GRIN2A: variants seen among roughly 807,000 people sequenced by gnomAD.
GRIN2A encodes the protein glutamate receptor ionotropic, NMDA 2A.
GRIN2A carries 22 observed loss-of-function variants against 113.4 expected under a neutral mutation model. The ratio of observed to expected loss-of-function variants is 0.19; its 90% CI spans 0.14 to 0.28. GRIN2A has a LOEUF of 0.28. Among genes scored for constraint, GRIN2A ranks in the 10% least tolerant of loss-of-function variants. The pLI, the probability that GRIN2A is intolerant of heterozygous loss-of-function variation, is 1.00. For missense variants in GRIN2A, 1,502 were observed against 1,887.0 expected (o/e 0.80, Z 3.78); for synonymous variants, 827 against 738.4 (o/e 1.12, Z -1.94).
At chr16:9,885,566 C>CGT (rs1360969177) in intron 4 of GRIN2A, among the ~76,000 whole-genome samples, 2 of 152,224 alleles carry the variant, frequency 1.3e-5, no homozygotes, top group Non-Finnish European at 2.9e-5. Flanking sequence ...AAGGGCTTGT[C>CGT]GTGTTTTCCC....
In GRIN2A at chr16:9,764,809, G is replaced by C. The variant is rs200588845; in HGVS notation, c.2735C>G (p.Ser912Cys). The C allele has an allele frequency of 5.1e-5, 83 of 1,614,198 alleles. No individual in the cohort carries two copies. Among genetic ancestry groups the C allele is most frequent in the Admixed American group, 8.3e-5 (5 of 60,034 alleles). ...TCTTTTGGGTGAGTCCATTCTTGAG[G>C]AGTTCATGTTGGACATGCTGGAAAT... ...KNISSMSNMN[S>C]SRMDSPKRAA... is the part of the protein sequence containing the mutation. The change falls in exon 13 of 13, where the codon TCC becomes TGC. Residue 912 changes from serine to cysteine, a missense_variant. Coordinates refer to ENST00000330684, the MANE Select transcript of GRIN2A (RefSeq NM_001134407.3).
chr16:10,028,371 A>C (rs1036176306), intron 2 of GRIN2A, among the ~76,000 whole-genome samples: 1 of 152,194 alleles, frequency 6.6e-6, no homozygotes. Flanking sequence ...TCCCATTTAC[A>C]CAGTGTGGCA....
chr16:9,969,700 C>A (rs1307752937), intron 2 of GRIN2A, among the ~76,000 whole-genome samples: 1 of 152,192 alleles, frequency 6.6e-6, no homozygotes, highest in Admixed American at 6.5e-5. Context: ...GGATATTTCG[C>A]TATGCCTGGA....
intron 11 of GRIN2A, 95 bp from the exon 12 acceptor site, chr16:9,769,184 A>T: frequency 1.1e-6 from 1 of 948,448 alleles, no homozygotes; most frequent in African/African-American, 1.6e-5. Flanking sequence ...TGCAACTCAC[A>T]GCTATGTAAC....
chr16:10,143,258 C>T (rs1018388882), intron 2 of GRIN2A, among the ~76,000 whole-genome samples: 5 of 152,256 alleles, frequency 3.3e-5, no homozygotes, highest in East Asian at 3.9e-4. Flanking sequence ...CAACGCCTTC[C>T]GCTAAGGGCC....
intron 2 of GRIN2A, among the ~76,000 whole-genome samples, chr16:9,980,877 C>T (rs1341280065): frequency 2.6e-5 from 4 of 151,406 alleles, no homozygotes; most frequent in Admixed American, 6.6e-5. Flanking sequence ...TTAGGAGATA[C>T]ACCTAATGCT....
At chr16:10,158,988 A>G (rs8045990) in intron 2 of GRIN2A, among the ~76,000 whole-genome samples, 60,438 of 152,078 alleles carry the variant, frequency 0.4, 12,461 homozygotes, top group Non-Finnish European at 0.42. Context: ...CCATGGAAGG[A>G]AACAAAACTT....
chr16:10,028,702 G>A (rs929877576), intron 2 of GRIN2A, among the ~76,000 whole-genome samples: 3 of 152,176 alleles, frequency 2.0e-5, no homozygotes, highest in Non-Finnish European at 4.4e-5. Flanking sequence ...TTAAGCCAGA[G>A]GTCAGCAAAC....
rs749997301 is a variant in GRIN2A, at chr16:9,764,539, G to A, written c.3005C>T (p.Thr1002Ile). Residue 1002 changes from threonine (T) to isoleucine (I), a missense_variant, in exon 13 of 13, where the codon ACA (threonine) becomes ATA (isoleucine). Around this residue, in one of 7 missense-constraint regions of GRIN2A, gnomAD observed 832 missense variants for 789.7 expected, o/e 1.05. Coordinates refer to ENST00000330684, the MANE Select transcript of GRIN2A (RefSeq NM_001134407.3). ...GGGTCTAGAGTTCGCTTTGGATTCT[G>A]TGCTCACGGCCACCTCCACCGTGTT... The part of the protein sequence containing the change: ...NPNTVEVAVS[T>I]ESKANSRPRQ... 1 of 1,613,836 alleles carries A rather than the reference G, an allele frequency of 6.2e-7. No homozygotes were observed. Among genetic ancestry groups the A allele is most frequent in the East Asian group, 2.2e-5 (1 of 44,886 alleles).
At chr16:9,936,261 C>A (rs772119595) in intron 3 of GRIN2A, among the ~76,000 whole-genome samples, 1 of 152,094 alleles carries the variant, frequency 6.6e-6, no homozygotes, top group Non-Finnish European at 1.5e-5. Context: ...AGATTGAGGC[C>A]CAGTAATTTG....
chr16:9,780,114 A>G (rs1901854819), intron 11 of GRIN2A, among the ~76,000 whole-genome samples: 1 of 152,236 alleles, frequency 6.6e-6, no homozygotes, highest in Non-Finnish European at 1.5e-5. Flanking sequence ...TCTTACAGAA[A>G]GTCGAAAAGG....
intron 2 of GRIN2A, among the ~76,000 whole-genome samples, chr16:10,002,407 G>T (rs2046336442): frequency 6.6e-6 from 1 of 152,250 alleles, no homozygotes; most frequent in Non-Finnish European, 1.5e-5. Flanking sequence ...CCCCTAGGGA[G>T]AGCTGACCAC....
At chr16:10,076,268 T>A (rs1247340038) in intron 2 of GRIN2A, among the ~76,000 whole-genome samples, 1 of 152,218 alleles carries the variant, frequency 6.6e-6, no homozygotes, top group East Asian at 1.9e-4. Flanking sequence ...ACAGCTAAGC[T>A]TTGCAAATTA....
At position 10,040,485 on chromosome 16, in the gene GRIN2A, C is replaced by T. The variant is rs2047141847; in HGVS notation, c.415-101934G>A. Reference sequence around the variant, plus strand: ...CACGCCACACACAAATACATGAACACACATTCACACCACACATCCACACCA... The same window carrying T: ...CACGCCACACACAAATACATGAACATACATTCACACCACACATCCACACCA... On this transcript the variant is annotated intron_variant, in intron 2 of 12. Coordinates refer to ENST00000330684, the MANE Select transcript of GRIN2A (RefSeq NM_001134407.3). Among the ~76,000 whole-genome samples the T allele has an allele frequency of 2.6e-5, 4 of 151,706 alleles. No homozygotes were observed. The South Asian group carries it at 8.3e-4, about 32-fold the overall frequency.
chr16:10,103,491 C>A (rs1479191021), intron 2 of GRIN2A, among the ~76,000 whole-genome samples: 1 of 152,180 alleles, frequency 6.6e-6, no homozygotes, highest in Non-Finnish European at 1.5e-5. Context: ...GTATTACTAA[C>A]CCCCAAAATA....
intron 7 of GRIN2A, among the ~76,000 whole-genome samples, chr16:9,834,993 T>G (rs2042562478): frequency 6.6e-6 from 1 of 152,174 alleles, no homozygotes; most frequent in Non-Finnish European, 1.5e-5. Flanking sequence ...TATTTTTTCA[T>G]GCTAGAAAGA....
chr16:9,875,693 G>T (rs550620789), intron 4 of GRIN2A, among the ~76,000 whole-genome samples: 1 of 152,318 alleles, frequency 6.6e-6, no homozygotes, highest in African/African-American at 2.4e-5. Flanking sequence ...TCTAGCTGCT[G>T]CTATCAGATG....
intron 3 of GRIN2A, among the ~76,000 whole-genome samples, chr16:9,917,803 C>A (rs2044280641): frequency 6.6e-6 from 1 of 152,188 alleles, no homozygotes; most frequent in African/African-American, 2.4e-5. Flanking sequence ...ACAATTTCAA[C>A]ACGTCCTCCC....
At chr16:10,077,964 T>C (rs566861226) in intron 2 of GRIN2A, among the ~76,000 whole-genome samples, 1 of 152,290 alleles carries the variant, frequency 6.6e-6, no homozygotes, top group African/African-American at 2.4e-5. Context: ...CTTTTAGCCA[T>C]CCACGTGAAC....
Sources: allele counts gnomAD v4.1 joint callset (sites outside exome capture counted in the v4.1 genomes callset), GRCh38; gene constraint gnomAD v4.1.1; regional missense constraint gnomAD v4.1.1; transcripts MANE v1.5; gene names NCBI Gene and HGNC (gene_info 2026-07-23, HGNC 2026-07-21).